SSBP3: variants seen among roughly 807,000 people sequenced by gnomAD.
SSBP3 encodes single stranded DNA binding protein 3, also known as single-stranded DNA-binding protein 3.
Under a neutral mutation model 69.6 loss-of-function variants are expected in SSBP3, and 5 were observed. The ratio of observed to expected loss-of-function variants is 0.07; its 90% CI spans 0.04 to 0.15. The LOEUF (loss-of-function observed/expected upper bound fraction) is 0.15. Among genes scored for constraint, SSBP3 ranks in the 10% least tolerant of loss-of-function variants. The pLI is 1.00. For synonymous variants in SSBP3, 196 were observed against 193.4 expected (o/e 1.01, Z -0.11); for missense variants, 312 against 534.0 (o/e 0.58, Z 4.10).
rs1441993961 is a variant in SSBP3 at position 54,348,593 on chromosome 1, C to T, written c.276+53268G>A. ...TTTATTTGTTTTGGATTTCCAATACCGGGGACTTGCTGGGGCCAAGTCAAT... is the reference window on the plus strand; with the variant it reads ...TTTATTTGTTTTGGATTTCCAATACTGGGGACTTGCTGGGGCCAAGTCAAT... On this transcript the variant is annotated intron_variant, in intron 4 of 17. Transcript: ENST00000610401. Among the ~76,000 whole-genome samples, 5 of 152,126 alleles carry T rather than the reference C, an allele frequency of 3.3e-5. No homozygotes were observed. In the East Asian group the frequency reaches 9.6e-4, roughly 29 times the overall value.
chr1:54,244,644 C>A (rs925448428), intron 9 of SSBP3, among the ~76,000 whole-genome samples: 7 of 152,236 alleles, frequency 4.6e-5, no homozygotes, highest in African/African-American at 1.7e-4. Context: ...TGGGTCAAGG[C>A]ACCAGGCCTC....
At chr1:54,396,001 G>C (rs1038045424) in intron 4 of SSBP3, among the ~76,000 whole-genome samples, 3 of 151,974 alleles carry the variant, frequency 2.0e-5, no homozygotes, top group Non-Finnish European at 4.4e-5. Context: ...GACCAGCCTG[G>C]CCAAGATGGC....
At chr1:54,368,409 T>C (rs1451888887) in intron 4 of SSBP3, among the ~76,000 whole-genome samples, 1 of 151,530 alleles carries the variant, frequency 6.6e-6, no homozygotes, top group Non-Finnish European at 1.5e-5. Flanking sequence ...ACAGAGATGC[T>C]ATGCTGCAGC....
rs1328345524 is a variant in SSBP3 at position 54,257,581 on chromosome 1, GCACGCACACAGGCA to G, written c.448-409_448-396del. ...CCTGCAGACAAAGCTGGACACACGA[GCACGCACACAGGCA>G]CACGCACACAGAAACCACCAGCAGG... On this transcript the variant is annotated intron_variant, in intron 6 of 17. Transcript: ENST00000610401. 7.2e-5 allele frequency among the ~76,000 whole-genome samples: 11 copies of G among 152,234 alleles called. No individual in the cohort carries two copies. The East Asian group carries it at 9.6e-4, about 13-fold the overall frequency.
chr1:54,244,331 T>C (rs1644697174), intron 9 of SSBP3, among the ~76,000 whole-genome samples: 1 of 152,182 alleles, frequency 6.6e-6, no homozygotes, highest in African/African-American at 2.4e-5. Context: ...CTCGAACTCC[T>C]TACCTCAGGA....
intron 9 of SSBP3, among the ~76,000 whole-genome samples, chr1:54,246,160 C>T (rs1418361981): frequency 6.6e-6 from 1 of 152,212 alleles, no homozygotes; most frequent in Non-Finnish European, 1.5e-5. Flanking sequence ...AACAATGGTT[C>T]TGAAGTGCCC....
Position 54,326,985 on chromosome 1 carries a change from G to C in SSBP3, c.277-45458C>G, listed in dbSNP as rs571275275. On this transcript the variant is annotated intron_variant, in intron 4 of 17. Coordinates refer to ENST00000610401, the Ensembl canonical transcript of SSBP3. ...AGGTGGTGGTGGTGGTGGGTGGGGG[G>C]TGCCCAAGATGTTTCTGGGGATTTC... is the stretch of plus-strand genomic sequence containing the variant. Among the ~76,000 whole-genome samples the C allele has an allele frequency of 1.1e-3, 160 of 152,042 alleles. 1 individual carries two copies. Among genetic ancestry groups the C allele is most frequent in the African/African-American group, 3.6e-3 (151 of 41,438 alleles).
chr1:54,390,534 T>G (rs1648408783), intron 4 of SSBP3, among the ~76,000 whole-genome samples: 1 of 152,248 alleles, frequency 6.6e-6, no homozygotes. Flanking sequence ...TCAAGTTTTC[T>G]GCAATTCCCT....
rs1217461051 is a variant in SSBP3 at position 54,251,518 on chromosome 1, C to T, written c.651+98G>A. On this transcript the variant is annotated intron_variant, in intron 9 of 17. Transcript: ENST00000610401. Reference sequence around the variant, plus strand: ...ATGCCCTTCCTCTCACCCCTGCGAACTGAGAGATGTGGGAGACTGACAGAG... The same window carrying T: ...ATGCCCTTCCTCTCACCCCTGCGAATTGAGAGATGTGGGAGACTGACAGAG... 2.3e-6 allele frequency: 3 copies of T among 1,300,582 alleles called. No individual in the cohort carries two copies. In the African/African-American group the frequency reaches 4.5e-5, roughly 19 times the overall value. 80.6% of individuals were successfully genotyped at this position (1,300,582 alleles called of 1,614,324 possible). A position where few individuals can be genotyped will look rare whatever the true frequency, so the allele number is the denominator to read the frequency against.
chr1:54,296,960 T>G (rs922267690), intron 4 of SSBP3, among the ~76,000 whole-genome samples: 2 of 152,170 alleles, frequency 1.3e-5, no homozygotes, highest in Non-Finnish European at 2.9e-5. Context: ...CTGATCTCAC[T>G]TAATCCTCCC....
intron 4 of SSBP3, among the ~76,000 whole-genome samples, chr1:54,311,937 C>T (rs1351840282): frequency 2.0e-5 from 3 of 152,174 alleles, no homozygotes; most frequent in Non-Finnish European, 4.4e-5. Flanking sequence ...GCTGGGGAGA[C>T]TCTCAGATCC....
chr1:54,234,173 C>A (rs962362540), intron 14 of SSBP3, among the ~76,000 whole-genome samples: 20 of 151,394 alleles, frequency 1.3e-4, no homozygotes, highest in South Asian at 8.4e-4. Context: ...GTCGTCACCA[C>A]TCCCTAATCT....
intron 10 of SSBP3, chr1:54,242,909 C>T (rs1012075341): frequency 2.6e-5 from 6 of 232,050 alleles, no homozygotes; most frequent in African/African-American, 1.1e-4. Flanking sequence ...AAGATTGTGC[C>T]ACTGTACTCC....
intron 1 of SSBP3, among the ~76,000 whole-genome samples, chr1:54,411,798 A>G (rs1649999291): frequency 6.6e-6 from 1 of 151,048 alleles, no homozygotes; most frequent in Admixed American, 6.6e-5. Flanking sequence ...AGGCTGAGGC[A>G]GGAGAAAGGC....
intron 7 of SSBP3, among the ~76,000 whole-genome samples, 157 bp from the exon 8 acceptor site, chr1:54,252,017 C>T (rs1277654799): frequency 1.3e-5 from 2 of 152,194 alleles, no homozygotes; most frequent in African/African-American, 4.8e-5. Flanking sequence ...AGAAGGTTAC[C>T]CCGGGCCTAC....
rs181866237 is a variant in SSBP3, at chr1:54,290,346, G to A, written c.277-8819C>T. On this transcript the variant is annotated intron_variant, in intron 4 of 17. Transcript: ENST00000610401. Reference sequence around the variant, plus strand: ...AAGGTGCCCAGCCAGACTCAGCCAAGGTACGGGTTCAGCAACCGGCGGCCC... The same window carrying A: ...AAGGTGCCCAGCCAGACTCAGCCAAAGTACGGGTTCAGCAACCGGCGGCCC... Among the ~76,000 whole-genome samples the A allele has an allele frequency of 2.7e-3, 417 of 152,322 alleles. 2 individuals carry two copies. Among genetic ancestry groups the A allele is most frequent in the African/African-American group, 9.4e-3 (392 of 41,562 alleles).
intron 4 of SSBP3, among the ~76,000 whole-genome samples, chr1:54,324,520 A>G (rs1646267971): frequency 6.6e-6 from 1 of 151,490 alleles, no homozygotes. Context: ...TCCTGGGGAC[A>G]CTCCCTCGAA....
intron 4 of SSBP3, among the ~76,000 whole-genome samples, chr1:54,294,312 G>A (rs746263786): frequency 2.0e-5 from 3 of 151,170 alleles, no homozygotes; most frequent in East Asian, 1.9e-4. Context: ...CTAACAACTC[G>A]CCCCTCCCCT....
intron 4 of SSBP3, among the ~76,000 whole-genome samples, chr1:54,367,823 T>C (rs1647053495): frequency 6.6e-6 from 1 of 152,218 alleles, no homozygotes; most frequent in Non-Finnish European, 1.5e-5. Flanking sequence ...AAGAATACCA[T>C]TGTGTTTATG....
Sources: allele counts gnomAD v4.1 joint callset (sites outside exome capture counted in the v4.1 genomes callset), GRCh38; gene constraint gnomAD v4.1.1; transcripts MANE v1.5; gene names NCBI Gene and HGNC (gene_info 2026-07-23, HGNC 2026-07-21).